The following ANO3 variants were observed in gnomAD, a reference collection of about 807,000 sequenced individuals.
ANO3 encodes anoctamin-3.
ANO3 carries 99 observed loss-of-function variants against 144.8 expected under a neutral mutation model. That is an observed-to-expected ratio of 0.68 (90% confidence interval 0.58 to 0.81). ANO3 has a LOEUF of 0.81. Among genes scored for constraint, ANO3 ranks in the 30% least tolerant of loss-of-function variants. The pLI is 0.00. For synonymous variants in ANO3, 414 were observed against 392.6 expected (o/e 1.05, Z -0.64); for missense variants, 905 against 1,202.2 (o/e 0.75, Z 3.66).
intron 1 of ANO3, among the ~76,000 whole-genome samples, chr11:26,238,298 C>A (rs1852578742): frequency 6.6e-6 from 1 of 152,042 alleles, no homozygotes; most frequent in African/African-American, 2.4e-5. Flanking sequence ...CTGTAAGAAT[C>A]TCTTAAATGT....
chr11:26,194,430 G>T (rs1427500865), intron 1 of ANO3, among the ~76,000 whole-genome samples: 1 of 147,210 alleles, frequency 6.8e-6, no homozygotes, highest in Admixed American at 7.0e-5. Context: ...ATCTTTGTGG[G>T]TACATAGTGG....
chr11:26,215,713 CT>C (rs1448577751), intron 1 of ANO3, among the ~76,000 whole-genome samples: 8 of 75,264 alleles, frequency 1.1e-4, no homozygotes, highest in Non-Finnish European at 2.2e-4. Flanking sequence ...TGTATATATA[CT>C]TTTAACTATC....
chr11:26,467,121 A>G (rs1859627465), intron 4 of ANO3, among the ~76,000 whole-genome samples: 1 of 152,006 alleles, frequency 6.6e-6, no homozygotes, highest in African/African-American at 2.4e-5. Flanking sequence ...GTTTATAGTT[A>G]ACAGCAGTCA....
intron 1 of ANO3, among the ~76,000 whole-genome samples, chr11:26,263,730 C>T (rs915293868): frequency 3.3e-5 from 5 of 152,152 alleles, no homozygotes; most frequent in Admixed American, 6.5e-5. Context: ...CCCATGTTTT[C>T]TGAATGACTT....
chr11:26,349,876 C>T (rs1855595104), intron 1 of ANO3, among the ~76,000 whole-genome samples: 1 of 152,124 alleles, frequency 6.6e-6, no homozygotes, highest in African/African-American at 2.4e-5. Flanking sequence ...GCTAATGAGC[C>T]AGAGAAGAAG....
At chr11:26,423,024 G>A (rs912178567) in intron 1 of ANO3, among the ~76,000 whole-genome samples, 2 of 151,944 alleles carry the variant, frequency 1.3e-5, no homozygotes, top group Admixed American at 6.6e-5. Flanking sequence ...GCAGTAGGAA[G>A]GCTGTTTGTT....
At chr11:26,387,193 G>A (rs949133438) in intron 1 of ANO3, among the ~76,000 whole-genome samples, 52 of 147,222 alleles carry the variant, frequency 3.5e-4, no homozygotes, top group African/African-American at 1.3e-3. Flanking sequence ...AGGCTGGTCT[G>A]GAACACCTGA....
At chr11:26,556,474 A>G (rs1206322243) in intron 13 of ANO3, among the ~76,000 whole-genome samples, 1 of 151,808 alleles carries the variant, frequency 6.6e-6, no homozygotes, top group African/African-American at 2.4e-5. Flanking sequence ...AAAAAAAAAA[A>G]GGAGTCTGTA....
At chr11:26,325,871 G>A (rs776775181) in intron 1 of ANO3, among the ~76,000 whole-genome samples, 9 of 152,244 alleles carry the variant, frequency 5.9e-5, no homozygotes, top group African/African-American at 9.6e-5. Context: ...TGGAACGACC[G>A]TTAGAGAACA....
chr11:26,440,201 A>C (rs1272608622), intron 1 of ANO3, among the ~76,000 whole-genome samples: 2 of 152,144 alleles, frequency 1.3e-5, no homozygotes. Flanking sequence ...AGCTTTGTAC[A>C]ATTTACCATA....
chr11:26,624,508 T>G lies in ANO3; in HGVS notation c.1873+10T>G, dbSNP rs1852518385. On this transcript the variant is annotated intron_variant, in intron 18 of 26. Coordinates refer to ENST00000256737, the MANE Select transcript of ANO3 (RefSeq NM_031418.4). ...CTCCTCACCAATTTAGGTAAGTCCA[T>G]TTTTCTTACTTCACTCCTTAGTCAG... 2 of 1,596,170 alleles carry G rather than the reference T, an allele frequency of 1.3e-6. No individual in the cohort carries two copies. Among genetic ancestry groups the G allele is most frequent in the African/African-American group, 1.3e-5 (1 of 74,628 alleles).
intron 1 of ANO3, among the ~76,000 whole-genome samples, chr11:26,297,864 T>A (rs560507194): frequency 7.9e-5 from 12 of 152,274 alleles, no homozygotes; most frequent in African/African-American, 2.9e-4. Context: ...GTTAAATAAC[T>A]CGACTCTGGG....
At chr11:26,262,108 AT>A (rs1477874604) in intron 1 of ANO3, among the ~76,000 whole-genome samples, 1 of 152,188 alleles carries the variant, frequency 6.6e-6, no homozygotes, top group Non-Finnish European at 1.5e-5. Context: ...AAATAGTAGA[AT>A]AGAGAAAATT....
At chr11:26,375,473 A>G (rs1856379868) in intron 1 of ANO3, among the ~76,000 whole-genome samples, 1 of 152,330 alleles carries the variant, frequency 6.6e-6, no homozygotes. Flanking sequence ...TAAGTTCTCA[A>G]TAAATATTTG....
chr11:26,252,138 T>G (rs2133820322), intron 1 of ANO3, among the ~76,000 whole-genome samples: 1 of 152,320 alleles, frequency 6.6e-6, no homozygotes, highest in East Asian at 1.9e-4. Flanking sequence ...AAGTTCAAAT[T>G]CAACTTTAGC....
chr11:26,509,208 C>CTA (rs1249758526), intron 5 of ANO3, among the ~76,000 whole-genome samples: 2 of 151,842 alleles, frequency 1.3e-5, no homozygotes, highest in African/African-American at 4.8e-5. Context: ...CAGCTTTTTA[C>CTA]TAGATACATA....
At chr11:26,638,702 G>A (rs1341537657) in intron 20 of ANO3, among the ~76,000 whole-genome samples, 1 of 152,138 alleles carries the variant, frequency 6.6e-6, no homozygotes, top group Non-Finnish European at 1.5e-5. Flanking sequence ...GAGTGTATGG[G>A]AACTCTGTAC....
intron 1 of ANO3, among the ~76,000 whole-genome samples, chr11:26,268,686 C>A (rs1311251583): frequency 6.6e-6 from 1 of 152,120 alleles, no homozygotes; most frequent in Non-Finnish European, 1.5e-5. Context: ...CTGATATCAG[C>A]CGAAGAAGGT....
At chr11:26,193,912 G>C (rs143583822) in intron 1 of ANO3, among the ~76,000 whole-genome samples, 59 of 152,254 alleles carry the variant, frequency 3.9e-4, no homozygotes, top group Non-Finnish European at 5.4e-4. Context: ...TCTAGAGCCA[G>C]ACTAGTATTG....
Sources: gnomAD v4.1 joint callset for allele counts (sites outside exome capture counted in the v4.1 genomes callset) on GRCh38, gnomAD v4.1.1 for gene constraint, MANE v1.5 for transcripts, NCBI Gene and HGNC (gene_info 2026-07-23, HGNC 2026-07-21) for gene names.